Variants in MYO5B observed in about 807,000 individuals in gnomAD.
MYO5B encodes the protein myosin VB.
MYO5B carries 143 observed loss-of-function variants against 229.3 expected under a neutral mutation model. That is an observed-to-expected ratio of 0.62 (90% confidence interval 0.54 to 0.72). The LOEUF (loss-of-function observed/expected upper bound fraction) is 0.72. MYO5B is among the 30% of genes least tolerant of loss of function. The pLI, the probability that MYO5B is intolerant of heterozygous loss-of-function variation, is 0.00. For missense variants in MYO5B, 2,321 were observed against 2,331.0 expected, an observed-to-expected ratio of 1.00 and a Z score of 0.09; for synonymous variants, 918 against 885.2, an observed-to-expected ratio of 1.04 and a Z score of -0.66.
intron 1 of MYO5B, among the ~76,000 whole-genome samples, chr18:50,077,031 T>C (rs1421716924): frequency 6.6e-6 from 1 of 152,052 alleles, no homozygotes; most frequent in Admixed American, 6.5e-5. Flanking sequence ...AAAGATGTCA[T>C]CAGTCTTTAC....
chr18:50,103,897 T>A (rs528034217), intron 1 of MYO5B, among the ~76,000 whole-genome samples: 2 of 151,892 alleles, frequency 1.3e-5, no homozygotes, highest in Non-Finnish European at 2.9e-5. Flanking sequence ...TGCATCATCA[T>A]CTGGGAACAC....
intron 17 of MYO5B, among the ~76,000 whole-genome samples, chr18:49,923,197 T>A (rs1243436815): frequency 6.6e-6 from 1 of 152,158 alleles, no homozygotes; most frequent in Admixed American, 6.5e-5. Flanking sequence ...CCAGCTCAAG[T>A]CTCAACTCCT....
At chr18:50,187,427 C>T (rs956491300) in intron 1 of MYO5B, among the ~76,000 whole-genome samples, 1 of 152,122 alleles carries the variant, frequency 6.6e-6, no homozygotes, top group Non-Finnish European at 1.5e-5. Context: ...ATGATGTGTT[C>T]TTGCCCAAAA....
At chr18:50,045,547 T>C (rs2852096) in intron 2 of MYO5B, among the ~76,000 whole-genome samples, 148,877 of 152,262 alleles carry the variant, frequency 0.98, 72,879 homozygotes, top group East Asian at 1. Flanking sequence ...TTATGTGCCA[T>C]CACACTTGGC....
chr18:50,170,498 A>T lies in MYO5B; in HGVS notation c.27+24269T>A, dbSNP rs150813599. 2.0e-4 allele frequency among the ~76,000 whole-genome samples: 25 copies of T among 127,460 alleles called. 7 individuals are homozygous for T. Among genetic ancestry groups the T allele is most frequent in the South Asian group, 1.1e-3 (4 of 3,654 alleles). The allele number at this position is 127,460 out of a possible 152,430, so 83.6% of individuals were successfully genotyped here. ...GAAATCATTCTATATTTTATTTTCTAATCACATTTTTATTACCATGATACC... is the reference window on the plus strand; with the variant it reads ...GAAATCATTCTATATTTTATTTTCTTATCACATTTTTATTACCATGATACC... On this transcript the variant is annotated intron_variant, in intron 1 of 39. Coordinates refer to ENST00000285039, the MANE Select transcript of MYO5B (RefSeq NM_001080467.3).
At chr18:50,182,072 C>T (rs2033081029) in intron 1 of MYO5B, among the ~76,000 whole-genome samples, 1 of 152,202 alleles carries the variant, frequency 6.6e-6, no homozygotes, top group Admixed American at 6.5e-5. Context: ...GCTCTTTCTC[C>T]CAGCCTCATG....
At chr18:49,942,976 CAAT>C (rs1044398210) in intron 14 of MYO5B, among the ~76,000 whole-genome samples, 29 of 151,948 alleles carry the variant, frequency 1.9e-4, no homozygotes, top group African/African-American at 6.1e-4. Flanking sequence ...AAATGTTCAA[CAAT>C]GATAGACTGG....
chr18:49,917,949 G>A (rs1347200808), intron 17 of MYO5B, among the ~76,000 whole-genome samples: 1 of 152,232 alleles, frequency 6.6e-6, no homozygotes, highest in East Asian at 1.9e-4. Flanking sequence ...GGTAGGAAGA[G>A]GGAGAGATCA....
intron 27 of MYO5B, among the ~76,000 whole-genome samples, chr18:49,866,311 C>T (rs954393599): frequency 2.6e-5 from 4 of 152,112 alleles, no homozygotes; most frequent in Middle Eastern, 3.4e-3. Flanking sequence ...CCTCGTGATC[C>T]GCCCACCTCG....
intron 4 of MYO5B, among the ~76,000 whole-genome samples, chr18:50,002,126 T>C (rs754502456): frequency 2.0e-5 from 3 of 152,100 alleles, no homozygotes; most frequent in Non-Finnish European, 4.4e-5. Flanking sequence ...TGTCACTGTA[T>C]ACATTACAAT....
At position 49,825,023 on chromosome 18, in the gene MYO5B, TAA is replaced by T. The variant is rs952772280; in HGVS notation, c.*1446_*1447del. The stretch of plus-strand genomic sequence containing the variant: ...GAGCCTTTTAAGTTGGGTGGTTGAG[TAA>T]AAGAGGGTGAAGGCAGGCTGTTCTA... On this transcript the variant is annotated 3_prime_UTR_variant, in exon 40 of 40. Coordinates refer to ENST00000285039, the MANE Select transcript of MYO5B (RefSeq NM_001080467.3). 2.0e-5 allele frequency: 3 copies of T among 152,130 alleles called. No homozygotes were observed. Among genetic ancestry groups the T allele is most frequent in the African/African-American group, 7.2e-5 (3 of 41,406 alleles). The allele number at this position is 152,130 out of a possible 1,614,324, so 9.4% of individuals were successfully genotyped here.
chr18:49,855,257 G>C (rs1334158917), intron 30 of MYO5B, among the ~76,000 whole-genome samples: 1 of 152,190 alleles, frequency 6.6e-6, no homozygotes, highest in African/African-American at 2.4e-5. Context: ...GTGGACTGTA[G>C]CTGACTCAGC....
At position 50,195,034 on chromosome 18, in the gene MYO5B, G is replaced by A. The variant is rs1248056244; in HGVS notation, c.-241C>T. 3.1e-5 allele frequency: 12 copies of A among 389,518 alleles called. No homozygotes were observed. The highest frequency in any genetic ancestry group is 4.7e-5 in the Non-Finnish European group (11 of 233,122). The allele number at this position is 389,518 out of a possible 1,614,324, so 24.1% of individuals were successfully genotyped here. On this transcript the variant is annotated 5_prime_UTR_variant, in exon 1 of 40. Coordinates refer to ENST00000285039, the MANE Select transcript of MYO5B (RefSeq NM_001080467.3). ...CCGGACAGGAGTTGCGAGCGCCGGG[G>A]GAGGAGGCCGCGCCGCACCACTCCC...
chr18:50,036,748 TCTCACCAC>T (rs1568080257), intron 4 of MYO5B, 94 bp downstream of exon 4: 3 of 1,393,040 alleles, frequency 2.2e-6, no homozygotes, highest in Non-Finnish European at 3.0e-6. Context: ...TCAGTCCCAA[TCTCACCAC>T]CTCACTGTGA....
intron 1 of MYO5B, among the ~76,000 whole-genome samples, chr18:50,131,678 G>A (rs918883570): frequency 6.6e-6 from 1 of 152,160 alleles, no homozygotes; most frequent in Non-Finnish European, 1.5e-5. Context: ...AACCTATGGG[G>A]GCAACAGGCA....
At position 50,158,181 on chromosome 18, in the gene MYO5B, T is replaced by G. The variant is rs149905090; in HGVS notation, c.27+36586A>C. ...CATCAATAAGCAAGCTGTATTACTT[T>G]TATATAGTAAGGTCTTCTTGGGGCC... On this transcript the variant is annotated intron_variant, in intron 1 of 39. Coordinates refer to ENST00000285039, the MANE Select transcript of MYO5B (RefSeq NM_001080467.3). 4.6e-5 allele frequency among the ~76,000 whole-genome samples: 7 copies of G among 152,300 alleles called. No homozygotes were observed. In the East Asian group the frequency reaches 1.4e-3, roughly 29 times the overall value.
chr18:49,991,169 G>A (rs1196565536), intron 6 of MYO5B, among the ~76,000 whole-genome samples: 2 of 152,214 alleles, frequency 1.3e-5, no homozygotes, highest in Non-Finnish European at 2.9e-5. Flanking sequence ...CCTGGCTGTG[G>A]TGTAAAGCAG....
chr18:49,990,414 G>T lies in MYO5B; in HGVS notation c.838+25C>A, dbSNP rs145097999. 58 of 1,597,864 alleles carry T rather than the reference G, an allele frequency of 3.6e-5. No individual in the cohort carries two copies. In the African/African-American group the frequency reaches 5.9e-4, roughly 16 times the overall value. ...GCTGGAGCAGTAGCCCACCCCAGAG[G>T]ATAGGCATGCACCTGTTGACTTACT... On this transcript the variant is annotated intron_variant, in intron 7 of 39. Transcript: ENST00000285039.
At chr18:49,829,449 T>C (rs2144017945) in intron 39 of MYO5B, among the ~76,000 whole-genome samples, 1 of 152,342 alleles carries the variant, frequency 6.6e-6, no homozygotes. Flanking sequence ...CAAGTAAGCA[T>C]ATTGAATTAG....
Sources: allele counts gnomAD v4.1 joint callset (sites outside exome capture counted in the v4.1 genomes callset), GRCh38; gene constraint gnomAD v4.1.1; transcripts MANE v1.5; gene names NCBI Gene and HGNC (gene_info 2026-07-23, HGNC 2026-07-21).